Variants in PPP1R16B observed in about 807,000 individuals in gnomAD.
PPP1R16B encodes protein phosphatase 1 regulatory inhibitor subunit 16B.
PPP1R16B carries 14 observed loss-of-function variants against 61.7 expected under a neutral mutation model. The observed-to-expected ratio is 0.23, with a 90% CI of 0.15 to 0.35. The LOEUF (loss-of-function observed/expected upper bound fraction) is 0.35. PPP1R16B is among the 10% of genes least tolerant of loss of function. The pLI, the probability that PPP1R16B is intolerant of heterozygous loss-of-function variation, is 1.00. For synonymous variants in PPP1R16B, 266 were observed against 305.3 expected (o/e 0.87, Z 1.34); for missense variants, 547 against 752.5 (o/e 0.73, Z 3.19).
rs200001614 is a variant in PPP1R16B, at chr20:38,905,933, C to T, written c.697-36C>T. 1.1e-4 allele frequency: 178 copies of T among 1,599,138 alleles called. 1 individual carries two copies. The Admixed American group carries it at 2.9e-3, about 26-fold the overall frequency. On this transcript the variant is annotated intron_variant, in intron 6 of 10. Transcript: ENST00000299824. Reference sequence around the variant, plus strand: ...AGCCTACCGTCAATGTGGGGCTGATCCCCTGAGGAATGCTCACTTCTTTCC... The same window carrying T: ...AGCCTACCGTCAATGTGGGGCTGATTCCCTGAGGAATGCTCACTTCTTTCC...
intron 2 of PPP1R16B, among the ~76,000 whole-genome samples, chr20:38,866,010 G>C (rs530011111): frequency 1.3e-5 from 2 of 152,146 alleles, no homozygotes; most frequent in East Asian, 3.9e-4. Context: ...AGTAATCCCA[G>C]CTACTCAGGA....
At chr20:38,845,001 A>G (rs1346809855) in intron 2 of PPP1R16B, among the ~76,000 whole-genome samples, 1 of 142,202 alleles carries the variant, frequency 7.0e-6, no homozygotes, top group East Asian at 2.3e-4. Context: ...CCTGAAGGAG[A>G]CAAGGAAATG....
At chr20:38,815,730 T>C (rs764247870) in intron 1 of PPP1R16B, among the ~76,000 whole-genome samples, 19 of 152,238 alleles carry the variant, frequency 1.2e-4, no homozygotes, top group Non-Finnish European at 2.5e-4. Flanking sequence ...TCTACAGTAA[T>C]TTTTAGATTT....
chr20:38,849,944 C>T (rs551994910), intron 2 of PPP1R16B, among the ~76,000 whole-genome samples: 5 of 152,248 alleles, frequency 3.3e-5, no homozygotes, highest in African/African-American at 9.6e-5. Flanking sequence ...TTGAATGATA[C>T]GTTAGGACTT....
At chr20:38,890,042 G>A (rs2085281164) in intron 3 of PPP1R16B, among the ~76,000 whole-genome samples, 2 of 152,216 alleles carry the variant, frequency 1.3e-5, no homozygotes, top group Admixed American at 1.3e-4. Context: ...CGGGACTTAT[G>A]TGACCTGCCT....
intron 2 of PPP1R16B, among the ~76,000 whole-genome samples, chr20:38,866,306 G>C (rs938013517): frequency 1.3e-5 from 2 of 152,038 alleles, no homozygotes; most frequent in Non-Finnish European, 2.9e-5. Flanking sequence ...GGGAAGAAGG[G>C]GCACCTCTGG....
chr20:38,855,907 CATATATATATAT>C lies in PPP1R16B; in HGVS notation c.250+19758_250+19769del, dbSNP rs371138532. On this transcript the variant is annotated intron_variant, in intron 2 of 10. Transcript: ENST00000299824. The stretch of plus-strand genomic sequence containing the variant: ...TGGTCCAGGAAGAGACAGTTTCCTA[CATATATATATAT>C]ATATATATATATATATATATATATA... Among the ~76,000 whole-genome samples the C allele has an allele frequency of 5.7e-3, 102 of 17,788 alleles. 1 individual carries two copies. The highest frequency in any genetic ancestry group is 0.026 in the Middle Eastern group (1 of 38). The allele number at this position is 17,788 out of a possible 152,430, so 11.7% of individuals were successfully genotyped here.
At chr20:38,874,523 T>C (rs1398700203) in intron 2 of PPP1R16B, among the ~76,000 whole-genome samples, 1 of 152,196 alleles carries the variant, frequency 6.6e-6, no homozygotes, top group Non-Finnish European at 1.5e-5. Context: ...TCTGAACCAC[T>C]ACACGTGTGT....
chr20:38,899,363 G>A (rs947228487), intron 4 of PPP1R16B, among the ~76,000 whole-genome samples: 1 of 152,218 alleles, frequency 6.6e-6, no homozygotes, highest in Non-Finnish European at 1.5e-5. Flanking sequence ...GCCAGCCTGG[G>A]TCAGTGGGTC....
At chr20:38,815,878 T>C (rs2084732089) in intron 1 of PPP1R16B, among the ~76,000 whole-genome samples, 2 of 152,150 alleles carry the variant, frequency 1.3e-5, no homozygotes, top group Admixed American at 6.6e-5. Context: ...TCTCCTGGAG[T>C]TGGCAGACAA....
chr20:38,862,741 G>A (rs922702725), intron 2 of PPP1R16B, among the ~76,000 whole-genome samples: 5 of 152,176 alleles, frequency 3.3e-5, no homozygotes, highest in Admixed American at 3.3e-4. Context: ...GTTGACTGTG[G>A]CCTGCCCTAG....
chr20:38,871,231 A>T (rs1160749539), intron 2 of PPP1R16B, among the ~76,000 whole-genome samples: 1 of 152,152 alleles, frequency 6.6e-6, no homozygotes, highest in Non-Finnish European at 1.5e-5. Flanking sequence ...CTGAGCGCAC[A>T]TGAACCCCGT....
chr20:38,820,059 T>G (rs1424909828), intron 1 of PPP1R16B, among the ~76,000 whole-genome samples: 2 of 152,200 alleles, frequency 1.3e-5, no homozygotes, highest in East Asian at 3.8e-4. Flanking sequence ...TTGGGTTATT[T>G]TGGTTAACAC....
intron 4 of PPP1R16B, among the ~76,000 whole-genome samples, chr20:38,895,943 C>T (rs878900549): frequency 3.8e-3 from 243 of 64,508 alleles, no homozygotes; most frequent in Admixed American, 5.3e-3. Flanking sequence ...CTTCTTTCTT[C>T]CCTCCCTCCC....
chr20:38,836,994 C>T (rs746900512), intron 2 of PPP1R16B, among the ~76,000 whole-genome samples: 4 of 152,268 alleles, frequency 2.6e-5, no homozygotes, highest in Non-Finnish European at 5.9e-5. Flanking sequence ...TTTCTCCCCA[C>T]CAAAAGCTCA....
intron 2 of PPP1R16B, among the ~76,000 whole-genome samples, chr20:38,872,233 A>G (rs1271485175): frequency 6.6e-6 from 1 of 152,176 alleles, no homozygotes; most frequent in Admixed American, 6.5e-5. Context: ...TGCCTCCTGC[A>G]CTGGGTGTGA....
At chr20:38,841,644 C>T (rs928096519) in intron 2 of PPP1R16B, among the ~76,000 whole-genome samples, 18 of 152,190 alleles carry the variant, frequency 1.2e-4, no homozygotes, top group Non-Finnish European at 2.2e-4. Flanking sequence ...TATAGATTTG[C>T]CTTTTCTGGA....
rs770712541 is a variant in PPP1R16B at position 38,906,960 on chromosome 20, G to A, written c.823-19G>A. 2.2e-5 allele frequency: 35 copies of A among 1,608,118 alleles called. No individual in the cohort carries two copies. The highest frequency in any genetic ancestry group is 5.0e-5 in the Admixed American group (3 of 59,976). Reference sequence around the variant, plus strand: ...GAGCTCTGGGCAGGGGGACACATGAGCTTCTTCCTGTGTTTCAGATGCAGA... The same window carrying A: ...GAGCTCTGGGCAGGGGGACACATGAACTTCTTCCTGTGTTTCAGATGCAGA... On this transcript the variant is annotated intron_variant, in intron 7 of 10. Coordinates refer to ENST00000299824, the MANE Select transcript of PPP1R16B (RefSeq NM_015568.4).
intron 1 of PPP1R16B, among the ~76,000 whole-genome samples, chr20:38,823,077 T>C (rs1233816202): frequency 6.6e-6 from 1 of 152,154 alleles, no homozygotes; most frequent in Admixed American, 6.5e-5. Flanking sequence ...GTGGAGGAAC[T>C]TTGGCTGGAG....
Sources: gnomAD v4.1 joint callset for allele counts (sites outside exome capture counted in the v4.1 genomes callset) on GRCh38, gnomAD v4.1.1 for gene constraint, MANE v1.5 for transcripts, NCBI Gene and HGNC (gene_info 2026-07-23, HGNC 2026-07-21) for gene names.